CAPSL: variants seen among roughly 807,000 people sequenced by gnomAD.
CAPSL encodes calcyphosine like, also known as calcyphosin-like protein.
Under a neutral mutation model 21.3 loss-of-function variants are expected in CAPSL, and 17 were observed. The observed-to-expected ratio is 0.80, with a 90% confidence interval of 0.55 to 1.20. CAPSL has a LOEUF of 1.20. Ranked by LOEUF, CAPSL falls within the 50% of genes most tolerant of loss-of-function variation. The pLI, the probability that CAPSL is intolerant of heterozygous loss-of-function variation, is 0.00. For synonymous variants in CAPSL, 102 were observed against 89.3 expected (o/e 1.14, Z -0.80); for missense variants, 289 against 259.3 (o/e 1.11, Z -0.79).
chr5:35,924,087 A>G (rs1248437299), intron 1 of CAPSL, among the ~76,000 whole-genome samples: 1 of 152,212 alleles, frequency 6.6e-6, no homozygotes, highest in East Asian at 1.9e-4. Context: ...TAAAAAAGAA[A>G]AACAAGCCTA....
chr5:35,929,300 T>C (rs544596380), intron 1 of CAPSL, among the ~76,000 whole-genome samples: 22 of 98,726 alleles, frequency 2.2e-4, no homozygotes, highest in African/African-American at 5.7e-4. Context: ...TTTTTTTTTT[T>C]CTGAAACAGA....
intron 4 of CAPSL, among the ~76,000 whole-genome samples, chr5:35,905,681 C>G (rs143299362): frequency 1.5e-4 from 23 of 152,350 alleles, no homozygotes; most frequent in African/African-American, 5.3e-4. Flanking sequence ...CTTTGGATTC[C>G]TCAGCCTCTG....
At chr5:35,922,364 C>A (rs147538896) in intron 1 of CAPSL, among the ~76,000 whole-genome samples, 1 of 152,174 alleles carries the variant, frequency 6.6e-6, no homozygotes, top group African/African-American at 2.4e-5. Context: ...CTTAACGTGG[C>A]CACTTTCTTG....
rs771201246 is a variant in CAPSL, at chr5:35,921,062, G to T, written c.59C>A (p.Thr20Asn). ...EMAIQAKKKL[T>N]TATDPIERLR... ...TCTTTCAATGGGGTCGGTGGCCGTG[G>T]TGAGCTTTTTCTTGGCCTGGATCGC... The change falls in exon 2 of 5, where the codon ACC becomes AAC. Residue 20 changes from threonine to asparagine, a missense_variant. Transcript: ENST00000651391. The T allele has an allele frequency of 1.2e-6, 2 of 1,614,068 alleles. No homozygotes were observed. Among genetic ancestry groups the T allele is most frequent in the Non-Finnish European group, 8.5e-7 (1 of 1,180,020 alleles).
chr5:35,921,069 T>G lies in CAPSL; in HGVS notation c.52A>C (p.Lys18Gln). Reference protein sequence around the residue: ...DREMAIQAKKKLTTATDPIER... With the variant: ...DREMAIQAKKQLTTATDPIER... ...ATGGGGTCGGTGGCCGTGGTGAGCT[T>G]TTTCTTGGCCTGGATCGCCATCTCT... Residue 18 changes from lysine to glutamine, a missense_variant, in exon 2 of 5, where the codon AAG (lysine) becomes CAG (glutamine). Physicochemically the swap from Lys to Gln is moderately conservative, Grantham distance 53 (BLOSUM62 1). Coordinates refer to ENST00000651391, the MANE Select transcript of CAPSL (RefSeq NM_001042625.2). 6.2e-7 allele frequency: 1 copy of G among 1,614,000 alleles called. No homozygotes were observed. The highest frequency in any genetic ancestry group is 8.5e-7 in the Non-Finnish European group (1 of 1,180,006).
chr5:35,928,240 T>G (rs1302070194), intron 1 of CAPSL, among the ~76,000 whole-genome samples: 1 of 152,222 alleles, frequency 6.6e-6, no homozygotes, highest in African/African-American at 2.4e-5. Context: ...CCTTGTGACC[T>G]AACCAACTCC....
chr5:35,920,003 A>AAT (rs1391329533), intron 2 of CAPSL, among the ~76,000 whole-genome samples: 1 of 152,090 alleles, frequency 6.6e-6, no homozygotes, highest in Non-Finnish European at 1.5e-5. Context: ...GAAGTGACAC[A>AAT]ATATTGAGGG....
chr5:35,919,170 A>AAAAAAAAAATATATAT (rs754098152), intron 2 of CAPSL, among the ~76,000 whole-genome samples: 1 of 121,276 alleles, frequency 8.2e-6, no homozygotes, highest in East Asian at 2.2e-4. Flanking sequence ...TAAAAAAAAA[A>AAAAAAAAAATATATAT]ATATATATAT....
chr5:35,906,119 G>A (rs963283621), intron 4 of CAPSL, among the ~76,000 whole-genome samples: 3 of 152,022 alleles, frequency 2.0e-5, no homozygotes, highest in Non-Finnish European at 2.9e-5. Context: ...CCATTTTGAC[G>A]GTGCACTTTA....
chr5:35,910,639 A>T, intron 2 of CAPSL, 96 bp from the exon 3 acceptor site: 1 of 933,904 alleles, frequency 1.1e-6, no homozygotes, highest in Non-Finnish European at 1.6e-6. Context: ...GTTTCGTCAA[A>T]TTAAAATACA....
chr5:35,930,882 G>A (rs114449229), intron 1 of CAPSL, among the ~76,000 whole-genome samples: 37 of 152,280 alleles, frequency 2.4e-4, no homozygotes, highest in African/African-American at 8.2e-4. Flanking sequence ...GGAAAGTGCT[G>A]AGAGCTCTGG....
chr5:35,932,373 A>G lies in CAPSL; in HGVS notation c.-1+6168T>C, dbSNP rs763555315. Among the ~76,000 whole-genome samples, 3 of 152,304 alleles carry G rather than the reference A, an allele frequency of 2.0e-5. No homozygotes were observed. The East Asian group carries it at 5.8e-4, about 29-fold the overall frequency. On this transcript the variant is annotated intron_variant, in intron 1 of 4. Transcript: ENST00000651391. ...TAAAGATACATAATATTCCTACATA[A>G]TAGCCATAGCAGCTCCAGCTATTAT... is the stretch of plus-strand genomic sequence containing the variant.
intron 2 of CAPSL, among the ~76,000 whole-genome samples, chr5:35,918,462 G>T (rs927651514): frequency 5.9e-5 from 9 of 152,316 alleles, no homozygotes; most frequent in Middle Eastern, 3.4e-3. Context: ...ATGAACTTCA[G>T]GGGGTGGAGG....
chr5:35,910,788 A>G (rs1738200774), intron 2 of CAPSL, among the ~76,000 whole-genome samples: 1 of 152,224 alleles, frequency 6.6e-6, no homozygotes, highest in Admixed American at 6.5e-5. Flanking sequence ...AGACAGTAAA[A>G]AGATGAAAGG....
At chr5:35,924,007 T>C (rs1215934683) in intron 1 of CAPSL, among the ~76,000 whole-genome samples, 1 of 146,122 alleles carries the variant, frequency 6.8e-6, no homozygotes, top group African/African-American at 2.6e-5. Context: ...CATACAACTT[T>C]ATCTGTCAAT....
intron 1 of CAPSL, among the ~76,000 whole-genome samples, chr5:35,925,640 G>A (rs943814209): frequency 3.3e-5 from 5 of 151,942 alleles, no homozygotes; most frequent in South Asian, 2.1e-4. Flanking sequence ...TCTCCTGAGA[G>A]CAACAGGAGA....
chr5:35,928,372 T>C lies in CAPSL; in HGVS notation c.1-7252A>G, dbSNP rs538104183. Reference sequence around the variant, plus strand: ...AGCAGGCGGCTAGGAAGTGAATAAATAGTGATGTCCTCCCGAAGAGACTGA... The same window carrying C: ...AGCAGGCGGCTAGGAAGTGAATAAACAGTGATGTCCTCCCGAAGAGACTGA... On this transcript the variant is annotated intron_variant, in intron 1 of 4. Coordinates refer to ENST00000651391, the MANE Select transcript of CAPSL (RefSeq NM_001042625.2). 1.6e-4 allele frequency among the ~76,000 whole-genome samples: 24 copies of C among 152,270 alleles called. 1 individual carries two copies. The South Asian group carries it at 3.9e-3, about 25-fold the overall frequency.
chr5:35,937,945 G>C (rs1738995492), intron 1 of CAPSL, among the ~76,000 whole-genome samples: 1 of 151,992 alleles, frequency 6.6e-6, no homozygotes, highest in Non-Finnish European at 1.5e-5. Context: ...GTCCTTTAAT[G>C]AGAACGTAAA....
intron 4 of CAPSL, among the ~76,000 whole-genome samples, chr5:35,905,558 C>T (rs1157770851): frequency 6.6e-6 from 1 of 152,222 alleles, no homozygotes; most frequent in Non-Finnish European, 1.5e-5. Context: ...GGCATTTGAA[C>T]TCAGCTCATA....
Sources: gnomAD v4.1 joint callset for allele counts (sites outside exome capture counted in the v4.1 genomes callset) on GRCh38, gnomAD v4.1.1 for gene constraint, MANE v1.5 for transcripts, NCBI Gene and HGNC (gene_info 2026-07-23, HGNC 2026-07-21) for gene names.